Variants in FGF14 observed in about 807,000 individuals in gnomAD.
FGF14 encodes the protein fibroblast growth factor 14.
FGF14 carries 5 observed loss-of-function variants against 25.5 expected under a neutral mutation model. That is an observed-to-expected ratio of 0.20 (90% confidence interval 0.10 to 0.41). The LOEUF is 0.41. Ranked by LOEUF, FGF14 falls within the 10% of genes least tolerant of loss-of-function variation. The pLI is 1.00. For synonymous variants in FGF14, 138 were observed against 118.3 expected, an observed-to-expected ratio of 1.17 and a Z score of -1.08; for missense variants, 222 against 320.1, an observed-to-expected ratio of 0.69 and a Z score of 2.34.
At chr13:101,857,863 C>T (rs2044206908) in intron 3 of FGF14, among the ~76,000 whole-genome samples, 1 of 151,836 alleles carries the variant, frequency 6.6e-6, no homozygotes, top group Middle Eastern at 3.4e-3. Context: ...ATATAAAATC[C>T]ATAGAAACAA....
intron 1 of FGF14, among the ~76,000 whole-genome samples, chr13:102,385,111 G>A (rs1441485831): frequency 6.6e-6 from 1 of 152,156 alleles, no homozygotes; most frequent in Non-Finnish European, 1.5e-5. Flanking sequence ...TATGGAGACA[G>A]CAGCCAACAG....
chr13:102,173,307 A>C (rs943633621), intron 1 of FGF14, among the ~76,000 whole-genome samples: 1 of 152,092 alleles, frequency 6.6e-6, no homozygotes, highest in Non-Finnish European at 1.5e-5. Context: ...TGTTAAGATG[A>C]CTGTCATAAA....
intron 3 of FGF14, among the ~76,000 whole-genome samples, chr13:101,789,618 A>C (rs2040114707): frequency 2.0e-5 from 3 of 152,132 alleles, no homozygotes; most frequent in Non-Finnish European, 4.4e-5. Flanking sequence ...GCTGTCATGC[A>C]CCTGAGGTTC....
At chr13:101,915,818 T>C (rs2033414488) in intron 1 of FGF14, among the ~76,000 whole-genome samples, 1 of 152,262 alleles carries the variant, frequency 6.6e-6, no homozygotes, top group South Asian at 2.1e-4. Flanking sequence ...TCCCTGAGCC[T>C]CTGTCCCCAT....
At chr13:101,910,999 AT>A (rs1340682808) in intron 1 of FGF14, among the ~76,000 whole-genome samples, 1 of 152,028 alleles carries the variant, frequency 6.6e-6, no homozygotes, top group Non-Finnish European at 1.5e-5. Context: ...TTGGGGAGAC[AT>A]TAATATAAAT....
chr13:102,154,279 A>G (rs1347460444), intron 1 of FGF14, among the ~76,000 whole-genome samples: 2 of 152,040 alleles, frequency 1.3e-5, no homozygotes, highest in Non-Finnish European at 2.9e-5. Flanking sequence ...AAGTTGGGTT[A>G]CCCACAAAGG....
chr13:102,080,058 A>T (rs2140190255), intron 1 of FGF14, among the ~76,000 whole-genome samples: 1 of 152,172 alleles, frequency 6.6e-6, no homozygotes, highest in East Asian at 1.9e-4. Flanking sequence ...GGTGGGAGGG[A>T]AGAAGATCAT....
At chr13:102,302,393 A>G (rs1427591322) in intron 1 of FGF14, among the ~76,000 whole-genome samples, 1 of 151,932 alleles carries the variant, frequency 6.6e-6, no homozygotes, top group Non-Finnish European at 1.5e-5. Context: ...TCTTCCTCAA[A>G]TCCCTGTGCT....
At chr13:102,389,890 CCT>C (rs1381722380) in intron 1 of FGF14, among the ~76,000 whole-genome samples, 1 of 152,172 alleles carries the variant, frequency 6.6e-6, no homozygotes, top group Admixed American at 6.6e-5. Context: ...CCAGGAGTCC[CCT>C]GTCTTCTGCC....
chr13:101,853,586 C>T (rs2043969556), intron 3 of FGF14, among the ~76,000 whole-genome samples: 1 of 151,890 alleles, frequency 6.6e-6, no homozygotes, highest in Admixed American at 6.6e-5. Context: ...ATAGCTAGGA[C>T]TACAGGTGCA....
chr13:101,838,650 C>G (rs563722759), intron 3 of FGF14, among the ~76,000 whole-genome samples: 1 of 152,156 alleles, frequency 6.6e-6, no homozygotes, highest in African/African-American at 2.4e-5. Context: ...AGTTCTGGCA[C>G]TGTGTCAAGT....
At chr13:101,874,194 A>T (rs986483372) in intron 2 of FGF14, among the ~76,000 whole-genome samples, 1 of 152,096 alleles carries the variant, frequency 6.6e-6, no homozygotes, top group Non-Finnish European at 1.5e-5. Flanking sequence ...GCTGAATTTT[A>T]AATTGAGCTG....
intron 1 of FGF14, among the ~76,000 whole-genome samples, chr13:102,343,691 C>G (rs1299211181): frequency 6.6e-6 from 1 of 152,178 alleles, no homozygotes; most frequent in Admixed American, 6.6e-5. Context: ...GTCAAAACTT[C>G]TACTAAACAT....
chr13:101,833,309 G>C (rs2042769452), intron 3 of FGF14, among the ~76,000 whole-genome samples: 1 of 152,056 alleles, frequency 6.6e-6, no homozygotes, highest in African/African-American at 2.4e-5. Flanking sequence ...TGAAAAGTCA[G>C]ATTTATCAGC....
chr13:101,765,203 C>T (rs1303493836), intron 3 of FGF14, among the ~76,000 whole-genome samples: 1 of 152,186 alleles, frequency 6.6e-6, no homozygotes, highest in African/African-American at 2.4e-5. Context: ...GCTCTTTCTC[C>T]TCCCTACTTT....
At chr13:101,789,661 A>T (rs959288564) in intron 3 of FGF14, among the ~76,000 whole-genome samples, 1 of 152,226 alleles carries the variant, frequency 6.6e-6, no homozygotes, top group Admixed American at 6.5e-5. Context: ...GTTCCAGTAA[A>T]ATTCAAAGGA....
At chr13:101,962,298 G>A (rs1262492537) in intron 1 of FGF14, among the ~76,000 whole-genome samples, 3 of 152,122 alleles carry the variant, frequency 2.0e-5, no homozygotes, top group South Asian at 4.1e-4. Context: ...GTATTCCTAG[G>A]TATTTGATTC....
At chr13:102,310,702 G>C (rs1232567576) in intron 1 of FGF14, among the ~76,000 whole-genome samples, 1 of 61,340 alleles carries the variant, frequency 1.6e-5, no homozygotes, top group Non-Finnish European at 3.4e-5. Flanking sequence ...TGTGTGGGGG[G>C]GGGGGGGTGG....
At chr13:102,086,010 C>A (rs2043877602) in intron 1 of FGF14, among the ~76,000 whole-genome samples, 1 of 152,140 alleles carries the variant, frequency 6.6e-6, no homozygotes, top group Admixed American at 6.5e-5. Flanking sequence ...CATGTGTTTA[C>A]TATCCAAGGT....
Sources: gnomAD v4.1 joint callset for allele counts (sites outside exome capture counted in the v4.1 genomes callset) on GRCh38, gnomAD v4.1.1 for gene constraint, MANE v1.5 for transcripts, NCBI Gene and HGNC (gene_info 2026-07-23, HGNC 2026-07-21) for gene names.